Variants in LRP1B observed in about 807,000 individuals in gnomAD.
The protein encoded by LRP1B is LDL receptor related protein 1B.
LRP1B carries 217 observed loss-of-function variants against 556.6 expected under a neutral mutation model. The observed-to-expected ratio is 0.39, with a 90% CI of 0.35 to 0.44. The LOEUF is 0.44. Among genes scored for constraint, LRP1B ranks in the 20% least tolerant of loss-of-function variants. The pLI, the probability that LRP1B is intolerant of heterozygous loss-of-function variation, is 1.00. For missense variants in LRP1B, 5,053 were observed against 5,620.8 expected, an observed-to-expected ratio of 0.90 and a Z score of 3.23; for synonymous variants, 2,047 against 1,865.8, an observed-to-expected ratio of 1.10 and a Z score of -2.50.
At chr2:141,317,736 T>G (rs2105463713) in intron 3 of LRP1B, among the ~76,000 whole-genome samples, 1 of 152,294 alleles carries the variant, frequency 6.6e-6, no homozygotes, top group Admixed American at 6.5e-5. Context: ...ACCAGGTAAC[T>G]TAAATCCATC....
chr2:141,488,965 G>A (rs1429709506), intron 2 of LRP1B, among the ~76,000 whole-genome samples: 1 of 110,964 alleles, frequency 9.0e-6, no homozygotes, highest in Non-Finnish European at 2.1e-5. Context: ...ACATGGGTTT[G>A]TTTTTTTTTG....
At chr2:141,866,204 T>TA (rs1698409659) in intron 1 of LRP1B, among the ~76,000 whole-genome samples, 1 of 152,184 alleles carries the variant, frequency 6.6e-6, no homozygotes, top group East Asian at 1.9e-4. Flanking sequence ...TCTCAGCAAT[T>TA]ATGTAGAATA....
intron 7 of LRP1B, among the ~76,000 whole-genome samples, chr2:141,181,506 T>C (rs72981904): frequency 0.027 from 4,089 of 151,876 alleles, 179 homozygotes; most frequent in African/African-American, 0.093. Flanking sequence ...CACTCAGTAA[T>C]TGAGAGGGAG....
Position 141,904,056 on chromosome 2 carries a change from C to T in LRP1B, c.83-93655G>A, listed in dbSNP as rs114408382. 1.4e-3 allele frequency among the ~76,000 whole-genome samples: 220 copies of T among 151,962 alleles called. 1 individual carries two copies. Among genetic ancestry groups the T allele is most frequent in the African/African-American group, 4.7e-3 (193 of 41,500 alleles). ...ATGATAGTGGAGCCACAGGCAAAAA[C>T]GCATAGAATCATATGTCAAGTTTGG... On this transcript the variant is annotated intron_variant, in intron 1 of 90. Coordinates refer to ENST00000389484, the MANE Select transcript of LRP1B (RefSeq NM_018557.3).
At chr2:141,247,408 T>C in intron 4 of LRP1B, 54 bp from the exon 5 acceptor site, 1 of 1,587,270 alleles carries the variant, frequency 6.3e-7, no homozygotes, top group Non-Finnish European at 8.6e-7. Flanking sequence ...GGCACTTTTT[T>C]TTCTCCTTGA....
intron 2 of LRP1B, among the ~76,000 whole-genome samples, chr2:141,620,921 A>T (rs1454488789): frequency 6.8e-6 from 1 of 147,050 alleles, no homozygotes; most frequent in Non-Finnish European, 1.5e-5. Flanking sequence ...TCTTCCAAAA[A>T]GTCATGAAGA....
intron 82 of LRP1B, among the ~76,000 whole-genome samples, chr2:140,320,801 G>T (rs1279316828): frequency 2.6e-5 from 4 of 152,036 alleles, no homozygotes; most frequent in Non-Finnish European, 5.9e-5. Context: ...CCAGCACTCT[G>T]GGGGGCTTAG....
intron 43 of LRP1B, among the ~76,000 whole-genome samples, chr2:140,548,695 G>A (rs1425871801): frequency 6.6e-6 from 1 of 152,098 alleles, no homozygotes; most frequent in African/African-American, 2.4e-5. Context: ...GGCCAAGGTA[G>A]GCAGATCACC....
intron 2 of LRP1B, among the ~76,000 whole-genome samples, chr2:141,505,982 C>A (rs182431433): frequency 6.6e-6 from 1 of 152,128 alleles, no homozygotes; most frequent in Admixed American, 6.5e-5. Context: ...AGAACATTTC[C>A]CTGTCCGGGA....
chr2:140,365,126 A>C (rs1239570442), intron 71 of LRP1B, among the ~76,000 whole-genome samples: 1 of 151,580 alleles, frequency 6.6e-6, no homozygotes, highest in Non-Finnish European at 1.5e-5. Flanking sequence ...TTTAGTTTTA[A>C]TTGTAATTAT....
At chr2:141,455,406 A>G (rs562883502) in intron 3 of LRP1B, among the ~76,000 whole-genome samples, 3 of 152,312 alleles carry the variant, frequency 2.0e-5, no homozygotes, top group African/African-American at 4.8e-5. Context: ...AGCGATCTGT[A>G]TCTTCTCAGT....
chr2:140,849,048 T>C (rs2105114236), intron 29 of LRP1B, among the ~76,000 whole-genome samples: 1 of 152,020 alleles, frequency 6.6e-6, no homozygotes, highest in East Asian at 1.9e-4. Context: ...AAAGGGAAGT[T>C]GCTTATAAGC....
intron 25 of LRP1B, among the ~76,000 whole-genome samples, chr2:140,871,071 C>T (rs1693114059): frequency 6.6e-6 from 1 of 152,076 alleles, no homozygotes. Flanking sequence ...TAAATTAAAA[C>T]ACTGACATTT....
intron 1 of LRP1B, among the ~76,000 whole-genome samples, chr2:142,050,749 A>T (rs771711691): frequency 1.3e-5 from 2 of 152,258 alleles, no homozygotes; most frequent in Non-Finnish European, 2.9e-5. Context: ...TATATTGAGG[A>T]TACTACCACA....
At chr2:141,096,375 G>A (rs1700302555) in intron 7 of LRP1B, among the ~76,000 whole-genome samples, 2 of 152,026 alleles carry the variant, frequency 1.3e-5, no homozygotes, top group African/African-American at 4.8e-5. Context: ...ATCACTGGCG[G>A]TCAGGAGTTC....
chr2:141,620,221 G>A (rs1052312454), intron 2 of LRP1B, among the ~76,000 whole-genome samples: 1 of 152,208 alleles, frequency 6.6e-6, no homozygotes, highest in Non-Finnish European at 1.5e-5. Context: ...TTACAGGCAT[G>A]AGTCACCATG....
At chr2:140,771,720 G>A (rs759030363) in intron 33 of LRP1B, among the ~76,000 whole-genome samples, 1 of 152,088 alleles carries the variant, frequency 6.6e-6, no homozygotes, top group Admixed American at 6.6e-5. Flanking sequence ...GCTGGTAGTG[G>A]GAAGTTAAGT....
intron 68 of LRP1B, among the ~76,000 whole-genome samples, chr2:140,377,310 C>T (rs1213585146): frequency 6.6e-6 from 1 of 152,032 alleles, no homozygotes; most frequent in Non-Finnish European, 1.5e-5. Flanking sequence ...CTCCTGACCT[C>T]GTGATCCACC....
chr2:141,100,404 GATTGCAA>G (rs1040909687), intron 7 of LRP1B, among the ~76,000 whole-genome samples: 45 of 152,282 alleles, frequency 3.0e-4, no homozygotes, highest in African/African-American at 9.9e-4. Context: ...ATCCTACAAG[GATTGCAA>G]ATAAGCCTTA....
Sources: gnomAD v4.1 joint callset for allele counts (sites outside exome capture counted in the v4.1 genomes callset) on GRCh38, gnomAD v4.1.1 for gene constraint, MANE v1.5 for transcripts, NCBI Gene and HGNC (gene_info 2026-07-23, HGNC 2026-07-21) for gene names.